The following OSBPL9 variants were observed in gnomAD, a reference collection of about 807,000 sequenced individuals.
OSBPL9 encodes the protein oxysterol-binding protein-related protein 9.
OSBPL9 carries 40 observed loss-of-function variants against 106.6 expected under a neutral mutation model. That is an observed-to-expected ratio of 0.38 (90% confidence interval 0.29 to 0.49). OSBPL9 has a LOEUF of 0.49. Among genes scored for constraint, OSBPL9 ranks in the 20% least tolerant of loss-of-function variants. The probability of loss-of-function intolerance (pLI) is 0.97; values close to 1 mark genes in which losing one functional copy is unlikely to be tolerated. For synonymous variants in OSBPL9, 269 were observed against 295.4 expected, an observed-to-expected ratio of 0.91 and a Z score of 0.92; for missense variants, 609 against 887.2, an observed-to-expected ratio of 0.69 and a Z score of 3.98.
chr1:51,520,856 A>G, the OSBPL9 span, among the ~76,000 whole-genome samples: 1 of 152,254 alleles, frequency 6.6e-6, no homozygotes, highest in Non-Finnish European at 1.5e-5. Flanking sequence ...CTGGTGAGTA[A>G]CCACTTATTC....
intron 3 of OSBPL9, among the ~76,000 whole-genome samples, chr1:51,708,552 C>T (rs75574795): frequency 2.6e-5 from 4 of 152,168 alleles, no homozygotes; most frequent in African/African-American, 7.2e-5. Context: ...AGTGATGTAA[C>T]GTGTCACTTG....
chr1:51,748,452 G>A (rs1571512482), intron 7 of OSBPL9, 54 bp downstream of exon 7: 3 of 1,415,484 alleles, frequency 2.1e-6, no homozygotes, highest in Middle Eastern at 2.2e-4. Context: ...GTTTTAAAAA[G>A]TTATTTCTAT....
intron 1 of OSBPL9, among the ~76,000 whole-genome samples, chr1:51,618,358 C>T (rs1644214849): frequency 6.6e-6 from 1 of 152,088 alleles, no homozygotes; most frequent in Non-Finnish European, 1.5e-5. Context: ...ACCCTCATCG[C>T]ATTCGATATG....
chr1:51,755,556 A>G (rs777523673), intron 8 of OSBPL9, among the ~76,000 whole-genome samples: 14 of 152,206 alleles, frequency 9.2e-5, no homozygotes, highest in Non-Finnish European at 2.1e-4. Context: ...CTCTCACTAT[A>G]CTGGGCAGTG....
chr1:51,690,545 A>G (rs1172865106), intron 3 of OSBPL9, among the ~76,000 whole-genome samples: 1 of 152,268 alleles, frequency 6.6e-6, no homozygotes, highest in Non-Finnish European at 1.5e-5. Context: ...TTAAGCAAAA[A>G]TAAAGATTTC....
the OSBPL9 span, among the ~76,000 whole-genome samples, chr1:51,559,236 A>C: frequency 0.19 from 28,375 of 151,816 alleles, 3,562 homozygotes; most frequent in South Asian, 0.36. Flanking sequence ...TTGGATTTCC[A>C]ATAAAGGGCA....
chr1:51,629,977 G>A (rs1009050983), intron 1 of OSBPL9, among the ~76,000 whole-genome samples: 10 of 151,950 alleles, frequency 6.6e-5, no homozygotes, highest in African/African-American at 2.4e-4. Flanking sequence ...ATGTGCATGG[G>A]GGAGGGGGAG....
intron 1 of OSBPL9, among the ~76,000 whole-genome samples, chr1:51,635,056 G>A (rs996449777): frequency 1.4e-4 from 22 of 152,142 alleles, no homozygotes; most frequent in Admixed American, 1.2e-3. Flanking sequence ...GGAGACACAG[G>A]CAAACATATC....
chr1:51,610,922 C>G (rs996173489), intron 2 of OSBPL9, among the ~76,000 whole-genome samples: 5 of 152,162 alleles, frequency 3.3e-5, no homozygotes, highest in African/African-American at 1.2e-4. Flanking sequence ...TGAGTAGATG[C>G]AATAGGTTGT....
At chr1:51,758,459 C>T (rs1195391126) in intron 9 of OSBPL9, among the ~76,000 whole-genome samples, 1 of 151,298 alleles carries the variant, frequency 6.6e-6, no homozygotes, top group Non-Finnish European at 1.5e-5. Flanking sequence ...TTTTGGGATC[C>T]ACTTGCTTCC....
chr1:51,542,943 C>T, the OSBPL9 span, among the ~76,000 whole-genome samples: 2 of 152,146 alleles, frequency 1.3e-5, no homozygotes, highest in Non-Finnish European at 2.9e-5. Context: ...ACATAGAGGG[C>T]AAACCTATTT....
At chr1:51,773,941 C>CGTTGTTGTTGTTGTT (rs3835387) in intron 14 of OSBPL9, among the ~76,000 whole-genome samples, 25 of 148,966 alleles carry the variant, frequency 1.7e-4, no homozygotes, top group African/African-American at 5.7e-4. Context: ...CAGCTGCTGG[C>CGTTGTTGTTGTTGTT]GTTGTTGTTG....
intron 1 of OSBPL9, among the ~76,000 whole-genome samples, chr1:51,632,372 C>T (rs1316521863): frequency 6.6e-6 from 1 of 152,084 alleles, no homozygotes; most frequent in African/African-American, 2.4e-5. Context: ...GTATTATTTC[C>T]TTTGAACAGT....
intron 17 of OSBPL9, among the ~76,000 whole-genome samples, chr1:51,783,390 T>C (rs1676860105): frequency 6.6e-6 from 1 of 151,544 alleles, no homozygotes; most frequent in African/African-American, 2.4e-5. Flanking sequence ...ATCACTATGT[T>C]GCCCAGGCTG....
At chr1:51,768,604 A>G (rs1462024614) in intron 12 of OSBPL9, among the ~76,000 whole-genome samples, 1 of 152,250 alleles carries the variant, frequency 6.6e-6, no homozygotes, top group Non-Finnish European at 1.5e-5. Context: ...TTAAAAGCAT[A>G]TGACTGTATT....
At chr1:51,719,685 A>T (rs1392466928) in intron 4 of OSBPL9, among the ~76,000 whole-genome samples, 4 of 152,212 alleles carry the variant, frequency 2.6e-5, no homozygotes, top group Admixed American at 2.6e-4. Context: ...CAGGCTGTGA[A>T]TGCCAATATA....
the OSBPL9 span, among the ~76,000 whole-genome samples, chr1:51,532,160 A>C: frequency 6.6e-5 from 10 of 152,330 alleles, no homozygotes; most frequent in Admixed American, 4.6e-4. Flanking sequence ...GAATGAAAAG[A>C]GAGGACTTGG....
At chr1:51,688,355 G>A (rs150271143) in intron 3 of OSBPL9, among the ~76,000 whole-genome samples, 1,550 of 152,236 alleles carry the variant, frequency 0.01, 23 homozygotes, top group Middle Eastern at 0.068. Context: ...TCTTGGGCCA[G>A]GCATGGTAGC....
upstream of OSBPL9, among the ~76,000 whole-genome samples, chr1:51,575,655 G>A (rs1645179028): frequency 6.6e-6 from 1 of 152,148 alleles, no homozygotes; most frequent in Non-Finnish European, 1.5e-5. Context: ...AGACCCAGGG[G>A]ACTTGAGCTT....
Sources: allele counts gnomAD v4.1 joint callset (sites outside exome capture counted in the v4.1 genomes callset), GRCh38; gene constraint gnomAD v4.1.1; transcripts MANE v1.5; gene names NCBI Gene and HGNC (gene_info 2026-07-23, HGNC 2026-07-21).